The following MKI67 variants were observed in gnomAD, a reference collection of about 807,000 sequenced individuals.
MKI67 encodes the protein marker of proliferation Ki-67, also known as proliferation marker protein Ki-67.
MKI67 carries 152 observed loss-of-function variants against 233.5 expected under a neutral mutation model. That is an observed-to-expected ratio of 0.65 (90% confidence interval 0.57 to 0.74). The LOEUF is 0.74. Among genes scored for constraint, MKI67 ranks in the 30% least tolerant of loss-of-function variants. The pLI is 0.00. For missense variants in MKI67, 3,940 were observed against 3,885.2 expected, an observed-to-expected ratio of 1.01 and a Z score of -0.37; for synonymous variants, 1,465 against 1,418.5, an observed-to-expected ratio of 1.03 and a Z score of -0.74.
Position 128,105,161 on chromosome 10 carries a change from C to G in MKI67, c.6679G>C (p.Asp2227His). Residue 2227 changes from aspartate to histidine, a missense_variant, in exon 13 of 15, where the codon GAC becomes CAC. Physicochemically the swap from Asp to His is moderately conservative, Grantham distance 81. Transcript: ENST00000368654. ...TKIACRSPQP[D>H]PVGTPTIFKP... ...AAGATTGTTGGGGTACCCACTGGGT[C>G]TGGTTGTGGAGATCTGCAGGCTATT... 1.2e-6 allele frequency: 2 copies of G among 1,613,708 alleles called. No individual in the cohort carries two copies. The highest frequency in any genetic ancestry group is 1.7e-6 in the Non-Finnish European group (2 of 1,179,976).
intron 4 of MKI67, among the ~76,000 whole-genome samples, chr10:128,121,548 T>C (rs193081508): frequency 0.019 from 2,470 of 130,550 alleles, 82 homozygotes; most frequent in African/African-American, 0.066. Flanking sequence ...ATTATAATTA[T>C]ATATGATTAT....
At position 128,119,290 on chromosome 10, in the gene MKI67, C is replaced by G. The variant is rs905402391; in HGVS notation, c.317G>C (p.Arg106Thr). The G allele has an allele frequency of 1.2e-6, 2 of 1,609,704 alleles. No homozygotes were observed. Among genetic ancestry groups the G allele is most frequent in the Non-Finnish European group, 1.7e-6 (2 of 1,176,300 alleles). ...RYENESLQNG[R>T]KSTEFPRKIR... is the part of the protein sequence containing the mutation. ...TTTTCTTGGAAATTCAGTTGACTTC[C>G]TTCCATTCTGAAGACTTTCATTTTC... Residue 106 changes from arginine (R) to threonine (T), a missense_variant, in exon 5 of 15, where the codon AGG becomes ACG. By Grantham distance (71) the Arg-to-Thr change is moderately conservative. Transcript: ENST00000368654.
rs765573489 is a variant in MKI67, at chr10:128,112,025, C to T, written c.1990G>A (p.Val664Ile). 23 of 1,612,186 alleles carry T rather than the reference C, an allele frequency of 1.4e-5. 1 individual carries two copies. Among genetic ancestry groups the T allele is most frequent in the Non-Finnish European group, 5.9e-6 (7 of 1,179,594 alleles). Residue 664 changes from valine (V) to isoleucine (I), a missense_variant, in exon 10 of 15, where the codon GTA (valine) becomes ATA (isoleucine). Physicochemically the swap from Val to Ile is conservative, Grantham distance 29 (BLOSUM62 3). Transcript: ENST00000368654. ...NLIVAKSWAD[V>I]VKLGAKQTQT... ...GTTTGTTTTGCACCAAGTTTTACTA[C>T]ATCTGCCCATGATTTTGCAACTGTC...
In MKI67 at chr10:128,107,511, G is replaced by A. The variant is rs768677635; in HGVS notation, c.4329C>T (p.Asp1443=). 39 of 1,614,052 alleles carry A rather than the reference G, an allele frequency of 2.4e-5. No homozygotes were observed. Among genetic ancestry groups the A allele is most frequent in the Non-Finnish European group, 3.1e-5 (37 of 1,180,020 alleles). The change falls in exon 13 of 15, where the codon GAC becomes GAT. Residue 1443 remains aspartate (D), a synonymous_variant. Transcript: ENST00000368654. The part of the protein sequence containing the change: ...AFRETAKQKL[D]PAASVTGSKR... ...TGCTACCAGTTACACTTGCTGCTGGGTCCAGTTTCTGTTTTGCAGTTTCCC... is the reference window on the plus strand; with the variant it reads ...TGCTACCAGTTACACTTGCTGCTGGATCCAGTTTCTGTTTTGCAGTTTCCC...
chr10:128,102,622 T>G lies in MKI67; in HGVS notation c.9218A>C (p.Asn3073Thr). The change falls in exon 13 of 15, where the codon AAC becomes ACC. Residue 3073 changes from asparagine to threonine, a missense_variant. Physicochemically the swap from Asn to Thr is moderately conservative, Grantham distance 65 (BLOSUM62 0). Transcript: ENST00000368654. ...EELNSNDMKT[N>T]KEEHKLQDSV... The stretch of plus-strand genomic sequence containing the variant: ...GTCTTGTAATTTGTGTTCCTCTTTG[T>G]TGGTTTTCATGTCGTTGCTGTTCAG... The G allele has an allele frequency of 6.2e-7, 1 of 1,614,246 alleles. No homozygotes were observed. Among genetic ancestry groups the G allele is most frequent in the Non-Finnish European group, 8.5e-7 (1 of 1,180,028 alleles).
rs1421931536 is a variant in MKI67 at position 128,107,638 on chromosome 10, T to G, written c.4202A>C (p.Gln1401Pro). Residue 1401 changes from glutamine to proline, a missense_variant, in exon 13 of 15, where the codon CAG (glutamine) becomes CCG (proline). Physicochemically the swap from Gln to Pro is moderately conservative, Grantham distance 76. Transcript: ENST00000368654. The stretch of plus-strand genomic sequence containing the variant: ...CTTCTTCAGGGCTGAGAGCTCCTTC[T>G]GTACGTCCCTTTTCTCCAAAGGTGT... ...PKTPLEKRDV[Q>P]KELSALKKLT... 1 of 1,614,158 alleles carries G rather than the reference T, an allele frequency of 6.2e-7. No homozygotes were observed. The highest frequency in any genetic ancestry group is 1.7e-5 in the Admixed American group (1 of 60,014).
chr10:128,103,976 G>C lies in MKI67; in HGVS notation c.7864C>G (p.Leu2622Val). 6.2e-7 allele frequency: 1 copy of C among 1,614,072 alleles called. No individual in the cohort carries two copies. Among genetic ancestry groups the C allele is most frequent in the South Asian group, 1.1e-5 (1 of 91,084 alleles). ...GTGCTTTGCCCTGATGTTTGCGTGA[G>C]CCTCTCAACTGCTGAGAGCTCCTCT... ...VKEELSAVER[L>V]TQTSGQSTHT... The change falls in exon 13 of 15, where the codon CTC (leucine) becomes GTC (valine). Residue 2622 changes from leucine to valine, a missense_variant. Physicochemically the swap from Leu to Val is conservative, Grantham distance 32. Transcript: ENST00000368654.
In MKI67 at chr10:128,105,630, G is replaced by C; in HGVS notation, c.6210C>G (p.Ala2070=). The C allele has an allele frequency of 6.2e-7, 1 of 1,613,588 alleles. No individual in the cohort carries two copies. The highest frequency in any genetic ancestry group is 8.5e-7 in the Non-Finnish European group (1 of 1,179,902). Residue 2070 remains alanine (A), a synonymous_variant, in exon 13 of 15, where the codon GCC becomes GCG. Transcript: ENST00000368654. ...AGCCGGCCAGGTCTTCTAGTGATTG[G>C]GCCTCTTCCTTAGGTGTTCTTGGCC... ...ERWPRTPKEE[A]QSLEDLAGFK... is the part of the protein sequence containing the mutation.
rs1349339245 is a variant in MKI67 at position 128,099,253 on chromosome 10, A to T, written c.9708T>A (p.Ala3236=). The change falls in exon 15 of 15, where the codon GCT becomes GCA. Residue 3236 remains alanine, a splice_region_variant and synonymous_variant. Transcript: ENST00000368654. Reference sequence around the variant, plus strand: ...TTTTCTTGACACACACATTGTCCTCAGCCTGTGTGGGAAGAAAAAAAATAG... The same window carrying T: ...TTTTCTTGACACACACATTGTCCTCTGCCTGTGTGGGAAGAAAAAAAATAG... ...VKRCAENPKK[A]EDNVCVKKIR... 1 of 1,611,896 alleles carries T rather than the reference A, an allele frequency of 6.2e-7. No homozygotes were observed. The highest frequency in any genetic ancestry group is 1.7e-5 in the Admixed American group (1 of 59,672).
At position 128,103,787 on chromosome 10, in the gene MKI67, GCT is replaced by G. The variant is rs1852403543; in HGVS notation, c.8051_8052del (p.Glu2684AlafsTer3). 6.2e-7 allele frequency: 1 copy of G among 1,613,858 alleles called. No homozygotes were observed. On this transcript the variant is annotated frameshift_variant, in exon 13 of 15. Transcript: ENST00000368654. LOFTEE classifies it high-confidence loss of function. ...QPLEDLAGFTELSETSGHTQE... is the reference protein window; with the variant it reads ...QPLEDLAGFTXLSETSGHTQE... ...TGAGTGTGACCTGATGTTTCAGAGAGCTCTGTGAAGCCGGCCAGGTCTTCCAG... is the reference window on the plus strand; with the variant it reads ...TGAGTGTGACCTGATGTTTCAGAGAGCTGTGAAGCCGGCCAGGTCTTCCAG...
intron 6 of MKI67, 86 bp downstream of exon 6, chr10:128,116,405 G>C (rs1852809186): frequency 2.5e-6 from 3 of 1,186,238 alleles, no homozygotes; most frequent in Admixed American, 1.7e-5. Context: ...TTTAGCACTT[G>C]CATTCTTGTT....
chr10:128,107,908 A>T lies in MKI67; in HGVS notation c.3932T>A (p.Ile1311Lys). 1.2e-6 allele frequency: 2 copies of T among 1,608,228 alleles called. No homozygotes were observed. Among genetic ancestry groups the T allele is most frequent in the South Asian group, 2.2e-5 (2 of 90,794 alleles). Residue 1311 changes from isoleucine (I) to lysine (K), a missense_variant, in exon 13 of 15, where the codon ATA becomes AAA. By Grantham distance (102) the Ile-to-Lys change is moderately radical. Transcript: ENST00000368654. ...TTTCTGCACTGGAGTTCCCACAAATATGATGATGTCTTTCTCTTCACCTAC... is the reference window on the plus strand; with the variant it reads ...TTTCTGCACTGGAGTTCCCACAAATTTGATGATGTCTTTCTCTTCACCTAC... ...PSVGEEKDII[I>K]FVGTPVQKLD...
chr10:128,112,850 A>T (rs1852711423), intron 8 of MKI67, among the ~76,000 whole-genome samples: 1 of 152,188 alleles, frequency 6.6e-6, no homozygotes, highest in Admixed American at 6.5e-5. Flanking sequence ...TGCTGGGAAG[A>T]GAAGGAAAGA....
chr10:128,125,501 TC>T lies in MKI67; in HGVS notation c.92+74del. The T allele has an allele frequency of 4.0e-6, 5 of 1,234,692 alleles. No homozygotes were observed. The highest frequency in any genetic ancestry group is 5.9e-6 in the Non-Finnish European group (5 of 840,742). 76.5% of individuals were successfully genotyped at this position (1,234,692 alleles called of 1,614,324 possible). ...GCAGGACCCAATCCTAGAGCGCGTT[TC>T]TGGACTTTATTCTGTGACTAAGGTA... On this transcript the variant is annotated intron_variant, in intron 2 of 14. Transcript: ENST00000368654. This position sits in a 1 kb window ranked among gnomAD's most constrained non-coding sequence, Gnocchi z 5.3.
Position 128,107,781 on chromosome 10 carries a change from G to A in MKI67, c.4059C>T (p.Phe1353=). Reference sequence around the variant, plus strand: ...CTTCTTCAGTATGACCAGGGGTCTGGAAGAGCTCTTTAAAGCCAGTCAGGT... The same window carrying A: ...CTTCTTCAGTATGACCAGGGGTCTGAAAGAGCTCTTTAAAGCCAGTCAGGT... ...LEDLTGFKEL[F]QTPGHTEEAV... is the part of the protein sequence containing the mutation. The change falls in exon 13 of 15, where the codon TTC becomes TTT. Residue 1353 remains phenylalanine, a synonymous_variant. Coordinates refer to ENST00000368654, the MANE Select transcript of MKI67 (RefSeq NM_002417.5). 1 of 1,613,984 alleles carries A rather than the reference G, an allele frequency of 6.2e-7. No homozygotes were observed. Among genetic ancestry groups the A allele is most frequent in the Non-Finnish European group, 8.5e-7 (1 of 1,179,986 alleles).
intron 13 of MKI67, 74 bp downstream of exon 13, chr10:128,102,505 A>G (rs982527484): frequency 1.3e-6 from 2 of 1,530,174 alleles, no homozygotes; most frequent in African/African-American, 2.7e-5. Flanking sequence ...ACGTCAGGTT[A>G]CATGCAAAGT....
rs745316431 is a variant in MKI67, at chr10:128,109,182, C to T, written c.2658G>A (p.Lys886=). The T allele has an allele frequency of 3.0e-5, 49 of 1,614,036 alleles. 1 individual carries two copies. In the Admixed American group the frequency reaches 7.8e-4, roughly 26 times the overall value. Residue 886 remains lysine, a synonymous_variant, in exon 13 of 15, where the codon AAG becomes AAA. Coordinates refer to ENST00000368654, the MANE Select transcript of MKI67 (RefSeq NM_002417.5). ...CTTCACTCTTACTTTCCACAGGTAG[C>T]TTCTGTATATTCCTGAACTCTGTAG... ...GRSTEFRNIQ[K]LPVESKSEET...
Position 128,108,970 on chromosome 10 carries a change from T to G in MKI67, c.2870A>C (p.Lys957Thr), listed in dbSNP as rs776098109. The stretch of plus-strand genomic sequence containing the variant: ...TGTCAGGTCAGACATTGGTGCACAT[T>G]TCTGCCCCCAAGTTCTTGATCTCTT... Reference protein sequence around the residue: ...AMKRSRTWGQKCAPMSDLTDL... With the variant: ...AMKRSRTWGQTCAPMSDLTDL... The change falls in exon 13 of 15, where the codon AAA (lysine) becomes ACA (threonine). Residue 957 changes from lysine to threonine, a missense_variant. Transcript: ENST00000368654. 6.2e-7 allele frequency: 1 copy of G among 1,614,120 alleles called. No individual in the cohort carries two copies. Among genetic ancestry groups the G allele is most frequent in the African/African-American group, 1.3e-5 (1 of 74,936 alleles).
At position 128,125,522 on chromosome 10, in the gene MKI67, A is replaced by G; in HGVS notation, c.92+54T>C. On this transcript the variant is annotated intron_variant, in intron 2 of 14. Transcript: ENST00000368654. This position sits in a 1 kb window ranked among gnomAD's most constrained non-coding sequence, Gnocchi z 5.3. The stretch of plus-strand genomic sequence containing the variant: ...CGTTTCTGGACTTTATTCTGTGACT[A>G]AGGTATTTTCCTCTTTCTCAGCTAA... 1 of 1,400,978 alleles carries G rather than the reference A, an allele frequency of 7.1e-7. No individual in the cohort carries two copies. Among genetic ancestry groups the G allele is most frequent in the Non-Finnish European group, 1.0e-6 (1 of 988,582 alleles). The allele number at this position is 1,400,978 out of a possible 1,614,324, so 86.8% of individuals were successfully genotyped here. A position where few individuals can be genotyped will look rare whatever the true frequency, so the allele number is the denominator to read the frequency against.
Sources: allele counts gnomAD v4.1 joint callset (sites outside exome capture counted in the v4.1 genomes callset), GRCh38; gene constraint gnomAD v4.1.1; non-coding constraint Gnocchi (gnomAD v3.1); transcripts MANE v1.5; gene names NCBI Gene and HGNC (gene_info 2026-07-23, HGNC 2026-07-21).